NXN: variants seen among roughly 807,000 people sequenced by gnomAD.
The protein encoded by NXN is nucleoredoxin, also known as nucleoredoxin 1.
NXN carries 16 observed loss-of-function variants against 48.6 expected under a neutral mutation model. The ratio of observed to expected loss-of-function variants is 0.33; its 90% CI spans 0.22 to 0.50. The LOEUF (loss-of-function observed/expected upper bound fraction) is 0.50, where lower values mean the gene tolerates loss of function less well. Among genes scored for constraint, NXN ranks in the 20% least tolerant of loss-of-function variants. NXN has a pLI of 0.98. For synonymous variants in NXN, 281 were observed against 269.6 expected, an observed-to-expected ratio of 1.04 and a Z score of -0.41; for missense variants, 492 against 605.5, an observed-to-expected ratio of 0.81 and a Z score of 1.97.
chr17:911,339 T>C (rs1455228314), intron 1 of NXN: 2 of 89,572 alleles, frequency 2.2e-5, no homozygotes, highest in African/African-American at 3.7e-5. Context: ...AAGTCTTCTT[T>C]TTTTTTTTTT....
intron 1 of NXN, among the ~76,000 whole-genome samples, chr17:898,353 G>T (rs1232130137): frequency 6.6e-6 from 1 of 151,358 alleles, no homozygotes; most frequent in African/African-American, 2.4e-5. Flanking sequence ...CAGCTCCCCT[G>T]CCTGGAACAC....
intron 1 of NXN, among the ~76,000 whole-genome samples, chr17:910,344 G>A (rs781665332): frequency 2.0e-5 from 3 of 151,876 alleles, no homozygotes; most frequent in South Asian, 2.1e-4. Flanking sequence ...CCCGGGAGGC[G>A]GAGGTTGTGG....
intron 1 of NXN, among the ~76,000 whole-genome samples, chr17:898,012 T>C (rs1469863643): frequency 6.6e-6 from 1 of 152,176 alleles, no homozygotes; most frequent in African/African-American, 2.4e-5. Context: ...AACTTGATAT[T>C]GTGCACTTCA....
At chr17:829,249 C>T (rs761057823) in intron 1 of NXN, among the ~76,000 whole-genome samples, 27 of 151,792 alleles carry the variant, frequency 1.8e-4, no homozygotes, top group African/African-American at 3.4e-4. Flanking sequence ...CTCTGCCTCC[C>T]GGGTTCAACG....
chr17:814,196 A>ATGT (rs34494318), intron 5 of NXN, among the ~76,000 whole-genome samples: 87,281 of 151,500 alleles, frequency 0.58, 25,564 homozygotes, highest in East Asian at 0.85. Context: ...CGGAAGGCAG[A>ATGT]TGTAGTGAGC....
At chr17:826,135 T>C (rs980652918) in intron 1 of NXN, 57 bp from the exon 2 acceptor site, 13 of 1,141,816 alleles carry the variant, frequency 1.1e-5, no homozygotes, top group Admixed American at 3.4e-5. Context: ...CATTGCAGAG[T>C]TCTTTTGAGC....
At chr17:860,784 A>G (rs573293275) in intron 1 of NXN, among the ~76,000 whole-genome samples, 8 of 152,274 alleles carry the variant, frequency 5.3e-5, no homozygotes, top group Non-Finnish European at 1.0e-4. Context: ...AGCAAATCCT[A>G]AAGTTTAATA....
intron 1 of NXN, among the ~76,000 whole-genome samples, chr17:829,669 T>A (rs971889167): frequency 6.6e-6 from 1 of 152,128 alleles, no homozygotes; most frequent in Non-Finnish European, 1.5e-5. Flanking sequence ...CCCCTCCCTG[T>A]GTCCACGTGT....
At chr17:854,515 C>T (rs1396722988) in intron 1 of NXN, among the ~76,000 whole-genome samples, 10 of 151,590 alleles carry the variant, frequency 6.6e-5, no homozygotes, top group African/African-American at 1.9e-4. Context: ...ATTAGCCAGG[C>T]GTGGTGGCGG....
intron 1 of NXN, among the ~76,000 whole-genome samples, chr17:954,340 C>A (rs2069143858): frequency 6.6e-6 from 1 of 151,556 alleles, no homozygotes; most frequent in Admixed American, 6.6e-5. Context: ...GAGATCGCAC[C>A]ATTGCACTCC....
intron 1 of NXN, among the ~76,000 whole-genome samples, chr17:844,481 G>A (rs1235719122): frequency 6.6e-6 from 1 of 152,238 alleles, no homozygotes; most frequent in East Asian, 1.9e-4. Flanking sequence ...CCTGTGGCTC[G>A]GAACAAGCTA....
chr17:807,136 G>A (rs1238000096), intron 5 of NXN, among the ~76,000 whole-genome samples: 1 of 152,170 alleles, frequency 6.6e-6, no homozygotes, highest in Non-Finnish European at 1.5e-5. Flanking sequence ...ATGAGGCTCG[G>A]GGGCTGGTCT....
intron 1 of NXN, among the ~76,000 whole-genome samples, chr17:838,060 T>C (rs1913924679): frequency 6.6e-6 from 1 of 151,594 alleles, no homozygotes; most frequent in South Asian, 2.1e-4. Flanking sequence ...AAAGACTGGG[T>C]AGAAGGGGAT....
At chr17:964,586 A>C (rs549972244) in intron 1 of NXN, among the ~76,000 whole-genome samples, 1 of 152,312 alleles carries the variant, frequency 6.6e-6, no homozygotes, top group Non-Finnish European at 1.5e-5. Context: ...CCCCAGGAAA[A>C]TGTCTGAAGG....
chr17:855,467 C>T (rs547807207), intron 1 of NXN, among the ~76,000 whole-genome samples: 1 of 152,212 alleles, frequency 6.6e-6, no homozygotes, highest in Non-Finnish European at 1.5e-5. Context: ...CTTGACTGCT[C>T]CCCAGGATCA....
At chr17:823,592 G>A in intron 3 of NXN, 40 bp downstream of exon 3, 6 of 1,611,810 alleles carry the variant, frequency 3.7e-6, no homozygotes, top group Non-Finnish European at 5.1e-6. Context: ...GAACATCACT[G>A]CTTCCTTCTG....
At chr17:946,411 C>T (rs923091432) in intron 1 of NXN, among the ~76,000 whole-genome samples, 1 of 152,330 alleles carries the variant, frequency 6.6e-6, no homozygotes, top group East Asian at 1.9e-4. Context: ...TCGTGATCCG[C>T]CCGCCTAGGC....
intron 1 of NXN, among the ~76,000 whole-genome samples, 159 bp downstream of exon 1, chr17:979,160 T>TGGGTCGG (rs2069501835): frequency 2.5e-5 from 1 of 39,280 alleles, no homozygotes; most frequent in Non-Finnish European, 4.6e-5. Flanking sequence ...GAGAGGACAG[T>TGGGTCGG]GGGTCGGGGG....
rs900297715 is a variant in NXN, at chr17:830,449, C to T, written c.361-4371G>A. Among the ~76,000 whole-genome samples the T allele has an allele frequency of 2.0e-5, 3 of 151,800 alleles. No individual in the cohort carries two copies. The highest frequency in any genetic ancestry group is 2.9e-5 in the Non-Finnish European group (2 of 67,988). ...AGCGTGGATTCCAGAGACAGGCGTC[C>T]GGGAGGAATGACATTTGGGCACAGA... On this transcript the variant is annotated intron_variant, in intron 1 of 7. Transcript: ENST00000336868. This position sits in a 1 kb window ranked among gnomAD's most constrained non-coding sequence, Gnocchi z 4.2.
Sources: allele counts gnomAD v4.1 joint callset (sites outside exome capture counted in the v4.1 genomes callset), GRCh38; gene constraint gnomAD v4.1.1; non-coding constraint Gnocchi (gnomAD v3.1); transcripts MANE v1.5; gene names NCBI Gene and HGNC (gene_info 2026-07-23, HGNC 2026-07-21).